ZDHHC8: variants seen among roughly 807,000 people sequenced by gnomAD.
ZDHHC8 encodes zDHHC palmitoyltransferase 8.
Under a neutral mutation model 61.2 loss-of-function variants are expected in ZDHHC8, and 24 were observed. The ratio of observed to expected loss-of-function variants is 0.39; its 90% CI spans 0.28 to 0.55. ZDHHC8 has a LOEUF of 0.55. Among genes scored for constraint, ZDHHC8 ranks in the 20% least tolerant of loss-of-function variants. ZDHHC8 has a pLI of 0.60. For synonymous variants in ZDHHC8, 523 were observed against 492.5 expected, an observed-to-expected ratio of 1.06 and a Z score of -0.82; for missense variants, 935 against 1,102.1, an observed-to-expected ratio of 0.85 and a Z score of 2.15.
rs368722853 is a variant in ZDHHC8 at position 20,142,819 on chromosome 22, G to A, written c.1189G>A (p.Glu397Lys). Residue 397 changes from glutamate to lysine, a missense_variant, in exon 10 of 11, where the codon GAG (glutamate) becomes AAG (lysine). Around this residue, in one of 3 missense-constraint regions of ZDHHC8, gnomAD observed 692 missense variants for 731.4 expected, o/e 0.95. Coordinates refer to ENST00000334554, the MANE Select transcript of ZDHHC8 (RefSeq NM_013373.4). ...CATCCGTAGCCTGGACTTTGTGTCC[G>A]AGCCGAGCCTGGACCTCCCTGACTA... is the stretch of plus-strand genomic sequence containing the variant. Reference protein sequence around the residue: ...DSIRSLDFVSEPSLDLPDYGP... With the variant: ...DSIRSLDFVSKPSLDLPDYGP... 12 of 1,612,592 alleles carry A rather than the reference G, an allele frequency of 7.4e-6. No homozygotes were observed. The highest frequency in any genetic ancestry group is 2.2e-5 in the East Asian group (1 of 44,888).
chr22:20,139,472 C>T lies in ZDHHC8; in HGVS notation c.227-6C>T, dbSNP rs1297183101. On this transcript the variant is annotated splice_region_variant and splice_polypyrimidine_tract_variant and intron_variant, in intron 2 of 10. Transcript: ENST00000334554. The stretch of plus-strand genomic sequence containing the variant: ...TCCTGCTCACTGCCTGGCTCCTGGT[C>T]TGTAGCGGATGAGGATGAGGACAAG... The T allele has an allele frequency of 1.2e-6, 2 of 1,613,398 alleles. No homozygotes were observed. The highest frequency in any genetic ancestry group is 2.7e-5 in the African/African-American group (2 of 75,048).
chr22:20,142,652 C>T lies in ZDHHC8; in HGVS notation c.1126-104C>T. 3.4e-6 allele frequency: 5 copies of T among 1,468,698 alleles called. No individual in the cohort carries two copies. In the South Asian group the frequency reaches 6.2e-5, roughly 18 times the overall value. The allele number at this position is 1,468,698 out of a possible 1,614,324, so 91.0% of individuals were successfully genotyped here. A position where few individuals can be genotyped will look rare whatever the true frequency, so the allele number is the denominator to read the frequency against. On this transcript the variant is annotated intron_variant, in intron 9 of 10. Transcript: ENST00000334554. The stretch of plus-strand genomic sequence containing the variant: ...GTGGCTCTTATGGCTCCTTGAGGCC[C>T]AGTTCCTGAGGCCACGGTGCCATGT...
At chr22:20,138,844 C>T (rs1283772477) in intron 1 of ZDHHC8, among the ~76,000 whole-genome samples, 3 of 152,160 alleles carry the variant, frequency 2.0e-5, no homozygotes, top group Non-Finnish European at 4.4e-5. Context: ...CTGGGGCTCC[C>T]ACCTCCAGCC....
intron 1 of ZDHHC8, among the ~76,000 whole-genome samples, chr22:20,137,373 G>T (rs2050430473): frequency 6.6e-6 from 1 of 152,252 alleles, no homozygotes; most frequent in South Asian, 2.1e-4. Context: ...GTTAGGGCCA[G>T]GAGGCAGGCT....
rs926708776 is a variant in ZDHHC8 at position 20,143,010 on chromosome 22, C to T, written c.1380C>T (p.Pro460=). 1.2e-6 allele frequency: 2 copies of T among 1,611,366 alleles called. No homozygotes were observed. Among genetic ancestry groups the T allele is most frequent in the African/African-American group, 2.7e-5 (2 of 74,908 alleles). ...PLRSEGGPPT[P]HRSIFAPHAL... is the part of the protein sequence containing the mutation. ...GCTCTGAGGGGGGGCCCCCCACGCC[C>T]CACCGTAGCATTTTTGCCCCCCATG... The change falls in exon 10 of 11, where the codon CCC becomes CCT. Residue 460 remains proline, a synonymous_variant. Transcript: ENST00000334554.
intron 1 of ZDHHC8, among the ~76,000 whole-genome samples, chr22:20,137,897 C>T (rs1271112304): frequency 6.6e-6 from 1 of 152,200 alleles, no homozygotes; most frequent in Non-Finnish European, 1.5e-5. Flanking sequence ...GAGGTGTGGC[C>T]GCAGCTGTGT....
At chr22:20,134,444 G>A (rs2050403714) in intron 1 of ZDHHC8, among the ~76,000 whole-genome samples, 1 of 152,222 alleles carries the variant, frequency 6.6e-6, no homozygotes, top group Admixed American at 6.5e-5. Flanking sequence ...GGGTCCAGGC[G>A]GCCCCCTTCT....
At chr22:20,135,970 C>T (rs1269415943) in intron 1 of ZDHHC8, among the ~76,000 whole-genome samples, 1 of 152,280 alleles carries the variant, frequency 6.6e-6, no homozygotes, top group Non-Finnish European at 1.5e-5. Context: ...CATTCTGCCC[C>T]TAAGCCACCC....
At chr22:20,144,525 C>A (rs1159149928) in intron 10 of ZDHHC8, among the ~76,000 whole-genome samples, 1 of 152,238 alleles carries the variant, frequency 6.6e-6, no homozygotes, top group Non-Finnish European at 1.5e-5. Context: ...AGATGCAGCC[C>A]CAGAGGGAGA....
In ZDHHC8 at chr22:20,132,011, G is replaced by T; in HGVS notation, c.64G>T (p.Ala22Ser). The change falls in exon 1 of 11, where the codon GCG (alanine) becomes TCG (serine). Residue 22 changes from alanine to serine, a missense_variant. By Grantham distance (99) the Ala-to-Ser change is moderately conservative. Transcript: ENST00000334554. ...GTACATCCCGGTGGCCACGGCCGCC[G>T]CGCTGCTGGTCGGCTCCAGCACCCT... ...AKYIPVATAA[A>S]LLVGSSTLFF... 7.2e-7 allele frequency: 1 copy of T among 1,390,192 alleles called. No homozygotes were observed. The highest frequency in any genetic ancestry group is 9.5e-7 in the Non-Finnish European group (1 of 1,056,532). 86.1% of individuals were successfully genotyped at this position (1,390,192 alleles called of 1,614,324 possible).
rs374253351 is a variant in ZDHHC8, at chr22:20,140,904, G to A, written c.786G>A (p.Ala262=). Residue 262 remains alanine (A), a synonymous_variant, in exon 7 of 11, where the codon GCG becomes GCA. Transcript: ENST00000334554. The stretch of plus-strand genomic sequence containing the variant: ...TGGAGCCACCCCGGCTGCCGCTCGC[G>A]GTGAGTTTGAAGCCGCCTTTCCTTA... ...YVVEPPRLPL[A]VSLKPPFLRP... is the part of the protein sequence containing the mutation. 67 of 1,605,886 alleles carry A rather than the reference G, an allele frequency of 4.2e-5. No individual in the cohort carries two copies. The highest frequency in any genetic ancestry group is 2.7e-4 in the East Asian group (12 of 44,878).
In ZDHHC8 at chr22:20,134,954, C is replaced by T. The variant is rs1363853250; in HGVS notation, c.104+2903C>T. Among the ~76,000 whole-genome samples, 3 of 152,094 alleles carry T rather than the reference C, an allele frequency of 2.0e-5. No homozygotes were observed. The East Asian group carries it at 5.8e-4, about 29-fold the overall frequency. On this transcript the variant is annotated intron_variant, in intron 1 of 10. Transcript: ENST00000334554. ...TTTGTTGTTGTTTGTTTGTTTGAGACAGGGTCTCACTCTGTCACCCAGGCC... is the reference window on the plus strand; with the variant it reads ...TTTGTTGTTGTTTGTTTGTTTGAGATAGGGTCTCACTCTGTCACCCAGGCC...
At chr22:20,138,030 C>G (rs2050436069) in intron 1 of ZDHHC8, among the ~76,000 whole-genome samples, 1 of 152,274 alleles carries the variant, frequency 6.6e-6, no homozygotes. Context: ...CTCTTGCTTT[C>G]CACTAAAAAT....
intron 1 of ZDHHC8, among the ~76,000 whole-genome samples, chr22:20,134,690 C>T (rs1202785914): frequency 1.3e-5 from 2 of 152,238 alleles, no homozygotes; most frequent in African/African-American, 2.4e-5. Context: ...ACCCATGCAC[C>T]AGGTGGGCAG....
Position 20,132,070 on chromosome 22 carries a change from T to C in ZDHHC8, c.104+19T>C. The C allele has an allele frequency of 1.6e-6, 2 of 1,264,138 alleles. No individual in the cohort carries two copies. Among genetic ancestry groups the C allele is most frequent in the Non-Finnish European group, 2.0e-6 (2 of 985,558 alleles). 78.3% of individuals were successfully genotyped at this position (1,264,138 alleles called of 1,614,324 possible). A position where few individuals can be genotyped will look rare whatever the true frequency, so the allele number is the denominator to read the frequency against. On this transcript the variant is annotated intron_variant, in intron 1 of 10. Coordinates refer to ENST00000334554, the MANE Select transcript of ZDHHC8 (RefSeq NM_013373.4). The stretch of plus-strand genomic sequence containing the variant: ...TGTTCACGTGAGTCGGCGCCGCGTC[T>C]GGGGGCACGCGGGCAGCGATGGGCA...
rs1044361923 is a variant in ZDHHC8, at chr22:20,139,254, C to T, written c.165C>T (p.Phe55=). The T allele has an allele frequency of 6.2e-7, 1 of 1,614,026 alleles. No individual in the cohort carries two copies. The highest frequency in any genetic ancestry group is 8.5e-7 in the Non-Finnish European group (1 of 1,180,020). The change falls in exon 2 of 11, where the codon TTC becomes TTT. Residue 55 remains phenylalanine (F), a synonymous_variant. Transcript: ENST00000334554. ...PAVPVYNGII[F]LFVLANFSMA... is the part of the protein sequence containing the mutation. ...TTCCCGTCTACAATGGCATCATCTT[C>T]CTCTTTGTCCTGGCCAACTTCAGCA...
rs2050537988 is a variant in ZDHHC8 at position 20,147,382 on chromosome 22, C to T, written c.*1982C>T. 1.3e-6 allele frequency: 1 copy of T among 794,184 alleles called. No homozygotes were observed. The highest frequency in any genetic ancestry group is 1.8e-6 in the Non-Finnish European group (1 of 542,614). 49.2% of individuals were successfully genotyped at this position (794,184 alleles called of 1,614,324 possible). ...TTGACAGATTCCCAGCCTGCCAGGGCCTGAGACCCTGTGTCCACATGACCT... is the reference window on the plus strand; with the variant it reads ...TTGACAGATTCCCAGCCTGCCAGGGTCTGAGACCCTGTGTCCACATGACCT... On this transcript the variant is annotated 3_prime_UTR_variant, in exon 11 of 11. Coordinates refer to ENST00000334554, the MANE Select transcript of ZDHHC8 (RefSeq NM_013373.4).
At position 20,146,704 on chromosome 22, in the gene ZDHHC8, G is replaced by T; in HGVS notation, c.*1304G>T. On this transcript the variant is annotated 3_prime_UTR_variant, in exon 11 of 11. Coordinates refer to ENST00000334554, the MANE Select transcript of ZDHHC8 (RefSeq NM_013373.4). Reference sequence around the variant, plus strand: ...TCTGTGTCAGTTCTGGCAGTGACAGGGTGTTTGGGGGAAAGACTTGGGTCT... The same window carrying T: ...TCTGTGTCAGTTCTGGCAGTGACAGTGTGTTTGGGGGAAAGACTTGGGTCT... 1 of 1,126,618 alleles carries T rather than the reference G, an allele frequency of 8.9e-7. No homozygotes were observed. The allele number at this position is 1,126,618 out of a possible 1,614,324, so 69.8% of individuals were successfully genotyped here.
At chr22:20,132,327 G>A (rs998027415) in intron 1 of ZDHHC8, among the ~76,000 whole-genome samples, 1 of 152,224 alleles carries the variant, frequency 6.6e-6, no homozygotes, top group Non-Finnish European at 1.5e-5. Context: ...GGCGGGGAGC[G>A]CTGGGCCCTG....
Sources: gnomAD v4.1 joint callset for allele counts (sites outside exome capture counted in the v4.1 genomes callset) on GRCh38, gnomAD v4.1.1 for gene constraint, gnomAD v4.1.1 regional missense constraint, MANE v1.5 for transcripts, NCBI Gene and HGNC (gene_info 2026-07-23, HGNC 2026-07-21) for gene names.